The following PSMD14 variants were observed in gnomAD, a reference collection of about 807,000 sequenced individuals.
The protein encoded by PSMD14 is ubiquitin C-terminal hydrolase PSMD14.
In PSMD14, 7 loss-of-function variants were observed where a neutral mutation model predicts 41.2. The observed-to-expected ratio is 0.17, with a 90% CI of 0.10 to 0.32. PSMD14 has a LOEUF of 0.32. Among genes scored for constraint, PSMD14 ranks in the 10% least tolerant of loss-of-function variants. PSMD14 has a pLI of 1.00. For synonymous variants in PSMD14, 114 were observed against 122.3 expected (o/e 0.93, Z 0.45); for missense variants, 139 against 375.6 (o/e 0.37, Z 5.21).
intron 10 of PSMD14, among the ~76,000 whole-genome samples, chr2:161,404,154 C>A (rs756770848): frequency 6.6e-6 from 1 of 152,038 alleles, no homozygotes; most frequent in Non-Finnish European, 1.5e-5. Context: ...GATGCTTCCC[C>A]CTCAGCCTCC....
intron 8 of PSMD14, 61 bp from the exon 9 acceptor site, chr2:161,391,043 A>C: frequency 7.3e-7 from 1 of 1,368,232 alleles, no homozygotes; most frequent in Non-Finnish European, 9.7e-7. Flanking sequence ...CAACAGTTTC[A>C]AACATTTTTA....
chr2:161,347,938 T>G (rs890258425), intron 3 of PSMD14, among the ~76,000 whole-genome samples: 1 of 152,186 alleles, frequency 6.6e-6, no homozygotes, highest in Admixed American at 6.5e-5. Flanking sequence ...CTTGGGAAAG[T>G]TTTATCTAAC....
chr2:161,402,629 A>T (rs1443997958), intron 10 of PSMD14, among the ~76,000 whole-genome samples: 1 of 152,150 alleles, frequency 6.6e-6, no homozygotes, highest in Non-Finnish European at 1.5e-5. Context: ...CAACAGAGCA[A>T]GGCTCTGTCT....
chr2:161,345,742 AT>A, intron 3 of PSMD14, among the ~76,000 whole-genome samples: 1 of 151,706 alleles, frequency 6.6e-6, no homozygotes, highest in East Asian at 1.9e-4. Flanking sequence ...TTTCTTAAAT[AT>A]TTTTTTCTAT....
intron 3 of PSMD14, among the ~76,000 whole-genome samples, chr2:161,354,839 G>C (rs1353688972): frequency 6.6e-6 from 1 of 152,096 alleles, no homozygotes. Context: ...CCAGATAATG[G>C]TGTCATTTCC....
intron 3 of PSMD14, among the ~76,000 whole-genome samples, chr2:161,355,180 T>C (rs1173425235): frequency 6.6e-6 from 1 of 152,204 alleles, no homozygotes; most frequent in Non-Finnish European, 1.5e-5. Context: ...AAGAAATATA[T>C]CGTTGGTTAA....
intron 3 of PSMD14, among the ~76,000 whole-genome samples, chr2:161,362,292 T>C (rs1412194997): frequency 2.0e-5 from 3 of 152,184 alleles, no homozygotes; most frequent in African/African-American, 4.8e-5. Context: ...TACATCTGTA[T>C]TTTCCCCTAC....
At chr2:161,324,531 A>G (rs1394826020) in intron 3 of PSMD14, among the ~76,000 whole-genome samples, 2 of 152,202 alleles carry the variant, frequency 1.3e-5, no homozygotes, top group African/African-American at 4.8e-5. Context: ...AGAAGTTGGT[A>G]AAGGAGTCTG....
At chr2:161,373,690 A>G (rs922753721) in intron 7 of PSMD14, among the ~76,000 whole-genome samples, 2 of 151,930 alleles carry the variant, frequency 1.3e-5, no homozygotes, top group Non-Finnish European at 2.9e-5. Context: ...TATATAAATG[A>G]TTTAAGTTGG....
chr2:161,314,659 T>A (rs900776530), intron 1 of PSMD14, among the ~76,000 whole-genome samples: 1 of 152,236 alleles, frequency 6.6e-6, no homozygotes, highest in Non-Finnish European at 1.5e-5. Context: ...GTGCCTGGCT[T>A]CTTTTACATA....
At chr2:161,369,936 C>T (rs1238027088) in intron 5 of PSMD14, among the ~76,000 whole-genome samples, 171 bp from the exon 6 acceptor site, 1 of 151,940 alleles carries the variant, frequency 6.6e-6, no homozygotes, top group African/African-American at 2.4e-5. Context: ...TGGTAGTTGG[C>T]AATTTTAGAA....
chr2:161,391,574 A>G (rs1275946509), intron 9 of PSMD14, among the ~76,000 whole-genome samples: 1 of 151,996 alleles, frequency 6.6e-6, no homozygotes, highest in African/African-American at 2.4e-5. Flanking sequence ...GCAGTTGTGT[A>G]GTGCTTTTTG....
intron 2 of PSMD14, among the ~76,000 whole-genome samples, chr2:161,318,286 A>G (rs1157313877): frequency 6.6e-6 from 1 of 152,158 alleles, no homozygotes; most frequent in African/African-American, 2.4e-5. Context: ...AGTTTTTAAA[A>G]GCCTTTGATG....
intron 8 of PSMD14, among the ~76,000 whole-genome samples, chr2:161,389,240 C>G (rs1683674029): frequency 1.3e-5 from 2 of 152,120 alleles, no homozygotes; most frequent in South Asian, 2.1e-4. Flanking sequence ...TTATGACCAC[C>G]ATGTAGGGTT....
Position 161,390,680 on chromosome 2 carries a change from G to C in PSMD14, c.571-424G>C, listed in dbSNP as rs535296558. 7.2e-5 allele frequency among the ~76,000 whole-genome samples: 11 copies of C among 152,216 alleles called. No homozygotes were observed. The East Asian group carries it at 1.5e-3, about 21-fold the overall frequency. ...ATCAATCAAAACTGAATTAGGAAAA[G>C]GGGAATTCCAGATTAATGTGGGTAA... On this transcript the variant is annotated intron_variant, in intron 8 of 11. Coordinates refer to ENST00000409682, the MANE Select transcript of PSMD14 (RefSeq NM_005805.6).
At chr2:161,344,835 A>G (rs962963500) in intron 3 of PSMD14, among the ~76,000 whole-genome samples, 4 of 152,186 alleles carry the variant, frequency 2.6e-5, no homozygotes, top group Non-Finnish European at 4.4e-5. Flanking sequence ...CTCTCAGTCT[A>G]TGGCTTATCT....
At chr2:161,407,004 T>C (rs116990879) in intron 10 of PSMD14, among the ~76,000 whole-genome samples, 1 of 152,256 alleles carries the variant, frequency 6.6e-6, no homozygotes, top group East Asian at 1.9e-4. Flanking sequence ...GTTTTGTACA[T>C]GGATTGGTAT....
At chr2:161,309,826 T>C (rs1247037327) in intron 1 of PSMD14, among the ~76,000 whole-genome samples, 1 of 152,160 alleles carries the variant, frequency 6.6e-6, no homozygotes, top group Non-Finnish European at 1.5e-5. Context: ...TTTTGTTTTT[T>C]TTTCAGCCTA....
At chr2:161,314,621 C>A (rs28807174) in intron 1 of PSMD14, among the ~76,000 whole-genome samples, 2 of 152,150 alleles carry the variant, frequency 1.3e-5, no homozygotes, top group Non-Finnish European at 2.9e-5. Context: ...ATTTCATATA[C>A]ATGGAATCAC....
Sources: allele counts gnomAD v4.1 joint callset (sites outside exome capture counted in the v4.1 genomes callset), GRCh38; gene constraint gnomAD v4.1.1; transcripts MANE v1.5; gene names NCBI Gene and HGNC (gene_info 2026-07-23, HGNC 2026-07-21).